DACH1: variants seen among roughly 807,000 people sequenced by gnomAD.
DACH1 encodes the protein dachshund family transcription factor 1, also known as dachshund homolog 1.
Under a neutral mutation model 54.2 loss-of-function variants are expected in DACH1, and 12 were observed. The ratio of observed to expected loss-of-function variants is 0.22; its 90% CI spans 0.14 to 0.36. The LOEUF (loss-of-function observed/expected upper bound fraction) is 0.36. Ranked by LOEUF, DACH1 falls within the 10% of genes least tolerant of loss-of-function variation. The pLI is 1.00. For missense variants in DACH1, 805 were observed against 929.8 expected (o/e 0.87, Z 1.75); for synonymous variants, 386 against 366.2 (o/e 1.05, Z -0.62).
chr13:71,640,674 G>A (rs1369834495), intron 2 of DACH1, among the ~76,000 whole-genome samples: 1 of 151,938 alleles, frequency 6.6e-6, no homozygotes, highest in Non-Finnish European at 1.5e-5. Context: ...ACTACTCACA[G>A]AACCCATCAG....
At chr13:71,600,595 A>C (rs567104599) in intron 3 of DACH1, among the ~76,000 whole-genome samples, 3 of 152,126 alleles carry the variant, frequency 2.0e-5, no homozygotes, top group African/African-American at 7.2e-5. Flanking sequence ...AATAGCCAGA[A>C]AATAAGCACA....
At chr13:71,656,931 T>TATAC (rs1412227651) in intron 2 of DACH1, among the ~76,000 whole-genome samples, 1 of 131,990 alleles carries the variant, frequency 7.6e-6, no homozygotes, top group East Asian at 2.2e-4. Context: ...CATATATATA[T>TATAC]ATATATATAT....
At chr13:71,576,032 T>C (rs571321795) in intron 3 of DACH1, among the ~76,000 whole-genome samples, 1 of 152,046 alleles carries the variant, frequency 6.6e-6, no homozygotes, top group Non-Finnish European at 1.5e-5. Flanking sequence ...TTTAAGCCAA[T>C]ATATTAGCAC....
intron 1 of DACH1, among the ~76,000 whole-genome samples, chr13:71,729,006 A>G (rs1883610442): frequency 6.6e-6 from 1 of 151,972 alleles, no homozygotes; most frequent in Admixed American, 6.6e-5. Flanking sequence ...GGAAAACTTT[A>G]CTTTTTTTTA....
At chr13:71,454,762 C>A (rs1370774655) in intron 10 of DACH1, among the ~76,000 whole-genome samples, 1 of 152,242 alleles carries the variant, frequency 6.6e-6, no homozygotes, top group Non-Finnish European at 1.5e-5. Flanking sequence ...TGTAGGCCTG[C>A]CAACACCTTC....
chr13:71,531,890 A>T (rs577525519), intron 6 of DACH1, among the ~76,000 whole-genome samples: 2 of 151,964 alleles, frequency 1.3e-5, no homozygotes, highest in African/African-American at 4.8e-5. Flanking sequence ...TAAATATTAT[A>T]TTTTTATATC....
At chr13:71,842,653 T>G (rs1479564328) in intron 1 of DACH1, among the ~76,000 whole-genome samples, 4 of 151,510 alleles carry the variant, frequency 2.6e-5, no homozygotes, top group Non-Finnish European at 5.9e-5. Context: ...AAGAATGGCA[T>G]GAATTCCAAG....
intron 3 of DACH1, among the ~76,000 whole-genome samples, chr13:71,578,361 A>G (rs1179028888): frequency 1.3e-5 from 2 of 152,144 alleles, no homozygotes; most frequent in Admixed American, 6.5e-5. Flanking sequence ...CGAAAACAAA[A>G]CTTCTAAATA....
At chr13:71,797,568 T>C (rs909380823) in intron 1 of DACH1, among the ~76,000 whole-genome samples, 5 of 152,098 alleles carry the variant, frequency 3.3e-5, no homozygotes, top group Non-Finnish European at 2.9e-5. Context: ...TGCTATGATT[T>C]GATTTAGAGG....
intron 5 of DACH1, among the ~76,000 whole-genome samples, chr13:71,558,627 A>G (rs768946270): frequency 1.3e-5 from 2 of 152,040 alleles, no homozygotes; most frequent in East Asian, 1.9e-4. Context: ...TCAACATACC[A>G]TAAAAATATA....
chr13:71,537,540 T>C (rs1882885374), intron 6 of DACH1, among the ~76,000 whole-genome samples: 2 of 151,874 alleles, frequency 1.3e-5, no homozygotes, highest in Non-Finnish European at 2.9e-5. Flanking sequence ...AATGAATAAT[T>C]GAAGGGAAAA....
chr13:71,671,600 T>C (rs1442315982), intron 2 of DACH1, among the ~76,000 whole-genome samples: 2 of 152,040 alleles, frequency 1.3e-5, no homozygotes, highest in Non-Finnish European at 1.5e-5. Flanking sequence ...CAATGTAAAA[T>C]TGCCTTCAAA....
chr13:71,749,829 T>A (rs1375268995), intron 1 of DACH1, among the ~76,000 whole-genome samples: 1 of 152,070 alleles, frequency 6.6e-6, no homozygotes, highest in Non-Finnish European at 1.5e-5. Context: ...GGCATTATTG[T>A]CTCCATTTTG....
chr13:71,506,054 TTAAA>T (rs1031488407), intron 6 of DACH1, among the ~76,000 whole-genome samples: 2 of 152,010 alleles, frequency 1.3e-5, no homozygotes, highest in African/African-American at 4.8e-5. Flanking sequence ...TTAGAAAAAT[TTAAA>T]TAAATACAAC....
At chr13:71,635,905 C>T (rs1369014625) in intron 2 of DACH1, among the ~76,000 whole-genome samples, 1 of 152,000 alleles carries the variant, frequency 6.6e-6, no homozygotes, top group African/African-American at 2.4e-5. Flanking sequence ...CTCAGCCTCC[C>T]GAGTAGCTGG....
At chr13:71,784,053 CTGCCT>C in intron 1 of DACH1, among the ~76,000 whole-genome samples, 1 of 151,146 alleles carries the variant, frequency 6.6e-6, no homozygotes, top group South Asian at 2.1e-4. Flanking sequence ...TGAGAGGTTG[CTGCCT>C]TTATGAAATA....
chr13:71,594,243 G>A (rs1010250557), intron 3 of DACH1, among the ~76,000 whole-genome samples: 6 of 151,688 alleles, frequency 4.0e-5, no homozygotes, highest in African/African-American at 1.2e-4. Flanking sequence ...AGGAAATTGT[G>A]TAAAATATAT....
chr13:71,860,973 C>A (rs77379221), intron 1 of DACH1, among the ~76,000 whole-genome samples: 11,965 of 151,818 alleles, frequency 0.079, 1,282 homozygotes, highest in East Asian at 0.56. Flanking sequence ...CGTAGTAAAT[C>A]GCCAAAGACA....
At chr13:71,677,567 TG>T (rs1474163773) in intron 2 of DACH1, among the ~76,000 whole-genome samples, 3 of 152,184 alleles carry the variant, frequency 2.0e-5, no homozygotes, top group African/African-American at 7.2e-5. Flanking sequence ...ATATTAAGAC[TG>T]GGAAAATACA....
Sources: allele counts gnomAD v4.1 joint callset (sites outside exome capture counted in the v4.1 genomes callset), GRCh38; gene constraint gnomAD v4.1.1; transcripts MANE v1.5; gene names NCBI Gene and HGNC (gene_info 2026-07-23, HGNC 2026-07-21).